Variants in SLF1 observed in about 807,000 individuals in gnomAD.
SLF1 encodes the protein SMC5-SMC6 complex localization factor protein 1.
SLF1 carries 105 observed loss-of-function variants against 123.0 expected under a neutral mutation model. The observed-to-expected ratio is 0.85, with a 90% CI of 0.73 to 1.00. The LOEUF is 1.00. Among genes scored for constraint, SLF1 ranks in the 50% least tolerant of loss-of-function variants. The pLI, the probability that SLF1 is intolerant of heterozygous loss-of-function variation, is 0.00. For synonymous variants in SLF1, 434 were observed against 406.6 expected, an observed-to-expected ratio of 1.07 and a Z score of -0.81; for missense variants, 1,239 against 1,223.0, an observed-to-expected ratio of 1.01 and a Z score of -0.20.
chr5:94,628,872 A>T lies in SLF1; in HGVS notation c.62A>T (p.Glu21Val). The T allele has an allele frequency of 1.3e-6, 2 of 1,550,436 alleles. No individual in the cohort carries two copies. The highest frequency in any genetic ancestry group is 2.4e-5 in the South Asian group (2 of 83,562). ...ACAGGATTTAAGATGGAAGAAAAAG[A>T]AGCGCTAGTCAAATTACTTTTAAAA... ...QMTGFKMEEK[E>V]ALVKLLLKLD... The change falls in exon 2 of 21, where the codon GAA becomes GTA. Residue 21 changes from glutamate to valine, a missense_variant. Transcript: ENST00000265140.
chr5:94,692,233 G>T lies in SLF1; in HGVS notation c.2672G>T (p.Gly891Val). 6.2e-7 allele frequency: 1 copy of T among 1,613,516 alleles called. No homozygotes were observed. The highest frequency in any genetic ancestry group is 8.5e-7 in the Non-Finnish European group (1 of 1,179,610). ...DALSNGHVEI[G>V]KLLLQHGGPV... is the part of the protein sequence containing the mutation. ...CTGTCAAACGGACATGTAGAAATTG[G>T]CAAGCTGCTACTACAGCATGGGGGT... The change falls in exon 20 of 21, where the codon GGC becomes GTC. Residue 891 changes from glycine to valine, a missense_variant. Transcript: ENST00000265140.
At chr5:94,640,322 C>G (rs1418498454) in intron 4 of SLF1, among the ~76,000 whole-genome samples, 1 of 152,056 alleles carries the variant, frequency 6.6e-6, no homozygotes, top group East Asian at 1.9e-4. Context: ...CCACTTTCTT[C>G]TGGCTTACAT....
At chr5:94,694,505 T>A (rs767884244) in intron 20 of SLF1, among the ~76,000 whole-genome samples, 4 of 151,920 alleles carry the variant, frequency 2.6e-5, no homozygotes, top group African/African-American at 4.8e-5. Flanking sequence ...AATACATTTT[T>A]AAGATTTCTT....
At chr5:94,671,224 T>C (rs1333942605) in intron 14 of SLF1, among the ~76,000 whole-genome samples, 1 of 151,904 alleles carries the variant, frequency 6.6e-6, no homozygotes, top group Admixed American at 6.5e-5. Context: ...TAGTGAATTA[T>C]ATGATAGTTA....
chr5:94,627,186 G>T (rs1481465474), intron 1 of SLF1, among the ~76,000 whole-genome samples: 3 of 152,128 alleles, frequency 2.0e-5, no homozygotes, highest in Admixed American at 1.3e-4. Flanking sequence ...TGTATTGAAA[G>T]AAGTCATTGT....
intron 14 of SLF1, among the ~76,000 whole-genome samples, chr5:94,673,375 C>A (rs1219061088): frequency 6.6e-6 from 1 of 151,802 alleles, no homozygotes; most frequent in South Asian, 2.1e-4. Flanking sequence ...GTTTTCTTCT[C>A]TAAGTGGGTT....
chr5:94,670,447 G>C (rs1284001238), intron 13 of SLF1, among the ~76,000 whole-genome samples, 168 bp downstream of exon 13: 1 of 151,022 alleles, frequency 6.6e-6, no homozygotes, highest in Non-Finnish European at 1.5e-5. Context: ...TGGGAGTAAA[G>C]GTTTATATGC....
intron 15 of SLF1, among the ~76,000 whole-genome samples, chr5:94,680,892 T>C (rs569000357): frequency 3.3e-5 from 5 of 152,330 alleles, no homozygotes; most frequent in African/African-American, 1.2e-4. Flanking sequence ...TGAACCTTAG[T>C]GTTACTATTA....
intron 4 of SLF1, among the ~76,000 whole-genome samples, chr5:94,638,574 T>A (rs1158781328): frequency 6.6e-6 from 1 of 152,222 alleles, no homozygotes; most frequent in African/African-American, 2.4e-5. Context: ...TCCTGAGATG[T>A]ATCTCAGAAT....
intron 1 of SLF1, among the ~76,000 whole-genome samples, chr5:94,621,837 C>A (rs1360054180): frequency 6.6e-6 from 1 of 151,922 alleles, no homozygotes; most frequent in African/African-American, 2.4e-5. Context: ...TAAGAACAGC[C>A]CTCAAGTCTC....
chr5:94,660,905 A>G (rs1749023928), intron 9 of SLF1, among the ~76,000 whole-genome samples: 1 of 151,354 alleles, frequency 6.6e-6, no homozygotes, highest in African/African-American at 2.4e-5. Context: ...TCCACCTCCT[A>G]CTCCTTAGGA....
intron 5 of SLF1, 75 bp from the exon 6 acceptor site, chr5:94,649,379 T>C (rs1344619647): frequency 8.2e-7 from 1 of 1,225,260 alleles, no homozygotes. Flanking sequence ...ATAGTTAAAG[T>C]TGAGTACCAT....
At position 94,684,432 on chromosome 5, in the gene SLF1, G is replaced by C. The variant is rs534272771; in HGVS notation, c.1976-2141G>C. On this transcript the variant is annotated intron_variant, in intron 15 of 20. Coordinates refer to ENST00000265140, the MANE Select transcript of SLF1 (RefSeq NM_032290.4). ...ATTGTATCTCGGCCAGGTGCGGTGG[G>C]TCACCCCTGTAATCCCAGCACTTTG... is the stretch of plus-strand genomic sequence containing the variant. Among the ~76,000 whole-genome samples, 61 of 152,034 alleles carry C rather than the reference G, an allele frequency of 4.0e-4. No homozygotes were observed. In the East Asian group the frequency reaches 4.7e-3, roughly 12 times the overall value.
chr5:94,652,350 CT>C (rs1747839186), intron 7 of SLF1, among the ~76,000 whole-genome samples: 1 of 152,130 alleles, frequency 6.6e-6, no homozygotes, highest in Non-Finnish European at 1.5e-5. Flanking sequence ...TCCCTCTTAC[CT>C]AGAAGTAATC....
chr5:94,625,457 C>T (rs1792152856), intron 1 of SLF1, among the ~76,000 whole-genome samples: 1 of 151,582 alleles, frequency 6.6e-6, no homozygotes, highest in African/African-American at 2.4e-5. Flanking sequence ...GGTCTCGGCT[C>T]ACTGCAACCT....
rs1285883887 is a variant in SLF1 at position 94,630,674 on chromosome 5, C to T, written c.362C>T (p.Pro121Leu). ...GAAGAACTGAAACGCACTGGTGCTC[C>T]AGGAGCCTTCCACAGATGGAAAGTT... ...WREELKRTGA[P>L]GAFHRWKVVL... Residue 121 changes from proline to leucine, a missense_variant, in exon 4 of 21, where the codon CCA (proline) becomes CTA (leucine). Physicochemically the swap from Pro to Leu is moderately conservative, Grantham distance 98 (BLOSUM62 -3). Transcript: ENST00000265140. 8 of 1,551,556 alleles carry T rather than the reference C, an allele frequency of 5.2e-6. No individual in the cohort carries two copies. The highest frequency in any genetic ancestry group is 7.0e-6 in the Non-Finnish European group (8 of 1,146,972).
chr5:94,692,184 G>A lies in SLF1; in HGVS notation c.2623G>A (p.Gly875Arg), dbSNP rs1753114776. 4.3e-6 allele frequency: 7 copies of A among 1,613,736 alleles called. No individual in the cohort carries two copies. The highest frequency in any genetic ancestry group is 3.3e-5 in the Admixed American group (2 of 59,974). ...PEVDLLTQVD[G>R]VTPLHDALSN... is the part of the protein sequence containing the mutation. ...GGTAGATCTGCTCACTCAAGTGGAC[G>A]GGGTGACTCCTTTGCATGATGCACT... The change falls in exon 20 of 21, where the codon GGG (glycine) becomes AGG (arginine). Residue 875 changes from glycine (G) to arginine (R), a missense_variant. Physicochemically the swap from Gly to Arg is moderately radical, Grantham distance 125 (BLOSUM62 -2). Coordinates refer to ENST00000265140, the MANE Select transcript of SLF1 (RefSeq NM_032290.4).
intron 1 of SLF1, among the ~76,000 whole-genome samples, chr5:94,625,624 C>G (rs1342811949): frequency 6.6e-6 from 1 of 152,036 alleles, no homozygotes; most frequent in African/African-American, 2.4e-5. Flanking sequence ...CTCAGGTGAT[C>G]CACCCACCTT....
Position 94,686,716 on chromosome 5 carries a change from A to G in SLF1, c.2119A>G (p.Met707Val), listed in dbSNP as rs747121452. 1 of 1,613,662 alleles carries G rather than the reference A, an allele frequency of 6.2e-7. No homozygotes were observed. Among genetic ancestry groups the G allele is most frequent in the Non-Finnish European group, 8.5e-7 (1 of 1,179,808 alleles). ...VSSEPLSLQK[M>V]VYSYLPALGK... ...TTCTGAGCCACTCTCTCTTCAGAAA[A>G]TGGTAAGTACCTCTCTATTCTGGTT... The change falls in exon 16 of 21, where the codon ATG becomes GTG. Residue 707 changes from methionine to valine, a missense_variant and splice_region_variant. Transcript: ENST00000265140.
Sources: allele counts gnomAD v4.1 joint callset (sites outside exome capture counted in the v4.1 genomes callset), GRCh38; gene constraint gnomAD v4.1.1; transcripts MANE v1.5; gene names NCBI Gene and HGNC (gene_info 2026-07-23, HGNC 2026-07-21).